The following MTMR8 variants were observed in gnomAD, a reference collection of about 807,000 sequenced individuals.
MTMR8 encodes myotubularin related protein 8, also known as phosphatidylinositol-3,5-bisphosphate 3-phosphatase MTMR8.
Under a neutral mutation model 39.3 loss-of-function variants are expected in MTMR8, and 65 were observed. The ratio of observed to expected loss-of-function variants is 1.65; its 90% confidence interval spans 1.35 to 2.03. The LOEUF (loss-of-function observed/expected upper bound fraction) is 2.03. Ranked by LOEUF, MTMR8 falls within the 30% of genes most tolerant of loss-of-function variation. MTMR8 has a pLI of 0.00. For synonymous variants in MTMR8, 245 were observed against 185.2 expected (o/e 1.32, Z -2.62); for missense variants, 777 against 538.9 (o/e 1.44, Z -4.37).
At chrX:64,305,135 C>A in intron 12 of MTMR8, 1 of 206,841 alleles carries the variant, frequency 4.8e-6, no homozygotes, top group South Asian at 8.8e-5. Flanking sequence ...CTAAGATCTT[C>A]ATCAATATCA....
chrX:64,360,098 C>A (rs1443594454), intron 1 of MTMR8, among the ~76,000 whole-genome samples: 1 of 110,171 alleles, frequency 9.1e-6, no homozygotes, highest in East Asian at 2.8e-4. Flanking sequence ...AAAGATTCAA[C>A]AATATTCAGA....
intron 12 of MTMR8, among the ~76,000 whole-genome samples, chrX:64,300,443 A>G (rs1380778834): frequency 1.8e-5 from 2 of 110,654 alleles, no homozygotes; most frequent in South Asian, 3.9e-4. Flanking sequence ...AGCTTCCTCC[A>G]TCCTTTTATT....
chrX:64,281,241 G>T (rs940707528), intron 12 of MTMR8, among the ~76,000 whole-genome samples: 2 of 111,312 alleles, frequency 1.8e-5, no homozygotes, highest in East Asian at 5.6e-4. Flanking sequence ...ATATATCCAA[G>T]AAAATCCCAA....
intron 12 of MTMR8, among the ~76,000 whole-genome samples, chrX:64,274,286 A>T (rs1931825923): frequency 8.9e-6 from 1 of 112,389 alleles, no homozygotes; most frequent in African/African-American, 3.2e-5. Flanking sequence ...TGAAACTAGA[A>T]ATCAATAGCA....
intron 12 of MTMR8, among the ~76,000 whole-genome samples, chrX:64,290,868 A>C (rs906807405): frequency 1.8e-5 from 2 of 111,928 alleles, no homozygotes; most frequent in Non-Finnish European, 3.8e-5. Context: ...GTTGAAGGAC[A>C]TCTGGGTTGT....
At chrX:64,354,970 T>G (rs377286305) in intron 3 of MTMR8, 36 bp from the exon 4 acceptor site, 2 of 1,090,159 alleles carry the variant, frequency 1.8e-6, no homozygotes, top group African/African-American at 3.7e-5. Flanking sequence ...AACAAAATGA[T>G]GAATGAAACC....
intron 2 of MTMR8, among the ~76,000 whole-genome samples, chrX:64,357,172 T>C (rs1348437988): frequency 9.0e-6 from 1 of 111,633 alleles, no homozygotes; most frequent in Non-Finnish European, 1.9e-5. Flanking sequence ...TTTTGATCTT[T>C]GATGTTCTCC....
At chrX:64,351,264 C>G (rs1346742113) in intron 4 of MTMR8, among the ~76,000 whole-genome samples, 1 of 111,318 alleles carries the variant, frequency 9.0e-6, no homozygotes, top group Non-Finnish European at 1.9e-5. Flanking sequence ...CCTAACAAGC[C>G]ACCTCACAGA....
At chrX:64,361,118 GAAC>G (rs909435376) in intron 1 of MTMR8, among the ~76,000 whole-genome samples, 2 of 111,686 alleles carry the variant, frequency 1.8e-5, no homozygotes, top group Non-Finnish European at 3.8e-5. Flanking sequence ...TCACTATTAT[GAAC>G]AACAATATGC....
intron 1 of MTMR8, among the ~76,000 whole-genome samples, chrX:64,363,212 T>C (rs1051816055): frequency 1.8e-5 from 2 of 111,553 alleles, no homozygotes; most frequent in African/African-American, 3.3e-5. Flanking sequence ...ACTCAGCAAA[T>C]GTCCATCACT....
chrX:64,314,073 A>G lies in MTMR8; in HGVS notation c.1481+14699T>C, dbSNP rs1044313192. Among the ~76,000 whole-genome samples, 6 of 112,547 alleles carry G rather than the reference A, an allele frequency of 5.3e-5. No homozygotes were observed. In the South Asian group the frequency reaches 1.5e-3, roughly 28 times the overall value. ...CCTCAGCTCAGGACTCCGGAACTCC[A>G]TGTGCTAACTCTGGATGACTGCTAT... On this transcript the variant is annotated intron_variant, in intron 12 of 13. Transcript: ENST00000374852.
intron 12 of MTMR8, among the ~76,000 whole-genome samples, chrX:64,312,738 G>A (rs1417180339): frequency 8.9e-6 from 1 of 112,189 alleles, no homozygotes; most frequent in Non-Finnish European, 1.9e-5. Flanking sequence ...AGACCTGAAA[G>A]TCAAAGTTAC....
intron 2 of MTMR8, among the ~76,000 whole-genome samples, chrX:64,358,123 T>A (rs1365948389): frequency 3.6e-5 from 4 of 111,975 alleles, no homozygotes; most frequent in Non-Finnish European, 7.5e-5. Flanking sequence ...GGCACAGTAC[T>A]AAAGAACTGG....
At chrX:64,311,004 C>T (rs747432091) in intron 12 of MTMR8, among the ~76,000 whole-genome samples, 51 of 111,531 alleles carry the variant, frequency 4.6e-4, no homozygotes, top group Admixed American at 7.6e-4. Context: ...ATAATCCTTT[C>T]GGTATATACC....
chrX:64,293,398 G>C, intron 12 of MTMR8, among the ~76,000 whole-genome samples: 1 of 111,562 alleles, frequency 9.0e-6, no homozygotes, highest in East Asian at 2.8e-4. Context: ...CCGTGGTTTA[G>C]CTTGAACCCT....
At chrX:64,286,943 G>C (rs1921202886) in intron 12 of MTMR8, among the ~76,000 whole-genome samples, 1 of 111,526 alleles carries the variant, frequency 9.0e-6, no homozygotes, top group Admixed American at 9.5e-5. Flanking sequence ...ATTCAACATA[G>C]TGTTGGAAGT....
intron 12 of MTMR8, among the ~76,000 whole-genome samples, chrX:64,290,046 G>A (rs1312813334): frequency 9.0e-6 from 1 of 110,599 alleles, no homozygotes; most frequent in Non-Finnish European, 1.9e-5. Context: ...TTAATAGGTA[G>A]GGTTTCAGAT....
At chrX:64,283,372 T>G (rs1921032532) in intron 12 of MTMR8, among the ~76,000 whole-genome samples, 1 of 112,191 alleles carries the variant, frequency 8.9e-6, no homozygotes, top group Admixed American at 9.4e-5. Flanking sequence ...GAGGCCTGCC[T>G]GCATCTGTAC....
In MTMR8 at chrX:64,386,990, G is replaced by T. The variant is rs1924576824; in HGVS notation, c.24+8350C>A. 3.6e-5 allele frequency among the ~76,000 whole-genome samples: 4 copies of T among 111,501 alleles called. No homozygotes were observed. The South Asian group carries it at 1.5e-3, about 42-fold the overall frequency. Reference sequence around the variant, plus strand: ...GATCGCTTAAGCCTGGGAAGTTGAGGCTGCAGTGAGCCAAGTTCATGCCAC... The same window carrying T: ...GATCGCTTAAGCCTGGGAAGTTGAGTCTGCAGTGAGCCAAGTTCATGCCAC... On this transcript the variant is annotated intron_variant, in intron 1 of 13. Coordinates refer to ENST00000374852, the MANE Select transcript of MTMR8 (RefSeq NM_017677.4).
Sources: allele counts gnomAD v4.1 joint callset (sites outside exome capture counted in the v4.1 genomes callset), GRCh38; gene constraint gnomAD v4.1.1; transcripts MANE v1.5; gene names NCBI Gene and HGNC (gene_info 2026-07-23, HGNC 2026-07-21).